Variants in CMYA5 observed in about 807,000 individuals in gnomAD.
The protein encoded by CMYA5 is cardiomyopathy-associated protein 5.
A neutral mutation model predicts 318.9 loss-of-function variants in CMYA5; 246 were observed. The ratio of observed to expected loss-of-function variants is 0.77; its 90% CI spans 0.70 to 0.86. The LOEUF is 0.86. Among genes scored for constraint, CMYA5 ranks in the 40% least tolerant of loss-of-function variants. The pLI, the probability that CMYA5 is intolerant of heterozygous loss-of-function variation, is 0.00. For synonymous variants in CMYA5, 1,641 were observed against 1,729.5 expected (o/e 0.95, Z 1.27); for missense variants, 4,589 against 4,678.2 (o/e 0.98, Z 0.56).
In CMYA5 at chr5:79,692,997, C is replaced by T. The variant is rs921583577; in HGVS notation, c.149+2941C>T. Among the ~76,000 whole-genome samples, 12 of 152,142 alleles carry T rather than the reference C, an allele frequency of 7.9e-5. No individual in the cohort carries two copies. The South Asian group carries it at 1.0e-3, about 13-fold the overall frequency. ...CCTTCTAGTTGGAGAAACAGAAAAA[C>T]GTAATTATGTCATTAGCTGTTAGAA... is the stretch of plus-strand genomic sequence containing the variant. On this transcript the variant is annotated intron_variant, in intron 1 of 12. Transcript: ENST00000446378.
chr5:79,744,252 T>C (rs1828274833), intron 3 of CMYA5, among the ~76,000 whole-genome samples: 1 of 152,226 alleles, frequency 6.6e-6, no homozygotes, highest in South Asian at 2.1e-4. Flanking sequence ...TCCAATTGTA[T>C]AGATAAGAAA....
intron 9 of CMYA5, 67 bp downstream of exon 9, chr5:79,763,276 C>T: frequency 7.4e-7 from 1 of 1,354,332 alleles, no homozygotes; most frequent in South Asian, 1.4e-5. Flanking sequence ...TCCTAAACTA[C>T]CCTCTAACTT....
In CMYA5 at chr5:79,734,786, G is replaced by T; in HGVS notation, c.6021G>T (p.Gly2007=). Residue 2007 remains glycine (G), a synonymous_variant, in exon 2 of 13, where the codon GGG becomes GGT. Coordinates refer to ENST00000446378, the MANE Select transcript of CMYA5 (RefSeq NM_153610.5). The part of the protein sequence containing the change: ...AGNVERNIAE[G]KEIHSLMESE... ...ATGTAGAGAGAAACATAGCAGAGGGGAAGGAGATTCATTCTTTGATGGAGA... is the reference window on the plus strand; with the variant it reads ...ATGTAGAGAGAAACATAGCAGAGGGTAAGGAGATTCATTCTTTGATGGAGA... 3 of 1,613,756 alleles carry T rather than the reference G, an allele frequency of 1.9e-6. No individual in the cohort carries two copies. Among genetic ancestry groups the T allele is most frequent in the Non-Finnish European group, 2.5e-6 (3 of 1,179,814 alleles).
chr5:79,758,972 A>G, intron 7 of CMYA5, 70 bp downstream of exon 7: 1 of 1,273,034 alleles, frequency 7.9e-7, no homozygotes, highest in Non-Finnish European at 1.1e-6. Flanking sequence ...ATTTAAATAT[A>G]CACCTGTATT....
intron 1 of CMYA5, among the ~76,000 whole-genome samples, chr5:79,722,676 C>CAAAAA (rs1264491231): frequency 1.4e-5 from 1 of 73,576 alleles, no homozygotes; most frequent in Non-Finnish European, 2.9e-5. Context: ...GACTCTGTCT[C>CAAAAA]AAAAAAAAAA....
At chr5:79,790,905 C>A in intron 10 of CMYA5, 65 bp from the exon 11 acceptor site, 1 of 1,075,188 alleles carries the variant, frequency 9.3e-7, no homozygotes, top group Non-Finnish European at 1.4e-6. Context: ...AAATGTGGGG[C>A]TTAGCCTAGG....
At position 79,796,355 on chromosome 5, in the gene CMYA5, G is replaced by A. The variant is rs185999029; in HGVS notation, c.11963+2745G>A. Among the ~76,000 whole-genome samples the A allele has an allele frequency of 1.9e-3, 294 of 150,818 alleles. 4 individuals are homozygous for A. The highest frequency in any genetic ancestry group is 7.0e-3 in the African/African-American group (288 of 41,068). On this transcript the variant is annotated intron_variant, in intron 12 of 12. Coordinates refer to ENST00000446378, the MANE Select transcript of CMYA5 (RefSeq NM_153610.5). ...TTTTTTCATTCGACAAATGTTTATT[G>A]AGTACCTGTCCTGTGCCAGGTTATC...
At chr5:79,706,501 G>A (rs190450641) in intron 1 of CMYA5, among the ~76,000 whole-genome samples, 41 of 152,278 alleles carry the variant, frequency 2.7e-4, no homozygotes, top group South Asian at 2.5e-3. Context: ...TTCTCAGAAC[G>A]GAGTACGCCT....
In CMYA5 at chr5:79,737,221, C is replaced by T. The variant is rs779832653; in HGVS notation, c.8456C>T (p.Thr2819Ile). 5.0e-6 allele frequency: 8 copies of T among 1,613,626 alleles called. No homozygotes were observed. Among genetic ancestry groups the T allele is most frequent in the Admixed American group, 1.7e-5 (1 of 59,926 alleles). Reference sequence around the variant, plus strand: ...TTGCTGTCACCTGTAAAACCACAAACTCTTGCTTCAGGAGCTTCTCCAGAA... The same window carrying T: ...TTGCTGTCACCTGTAAAACCACAAATTCTTGCTTCAGGAGCTTCTCCAGAA... ...PYLLSPVKPQTLASGASPEIN... is the reference protein window; with the variant it reads ...PYLLSPVKPQILASGASPEIN... Residue 2819 changes from threonine to isoleucine, a missense_variant, in exon 2 of 13, where the codon ACT becomes ATT. Thr to Ile is a moderately conservative substitution (Grantham distance 89). Transcript: ENST00000446378.
intron 9 of CMYA5, among the ~76,000 whole-genome samples, chr5:79,778,840 T>TGTGTGTG (rs1453105123): frequency 1.2e-4 from 15 of 122,062 alleles, no homozygotes; most frequent in African/African-American, 1.8e-4. Context: ...TGTGTGTATG[T>TGTGTGTG]TTATTCACTC....
At position 79,729,466 on chromosome 5, in the gene CMYA5, C is replaced by T. The variant is rs374313124; in HGVS notation, c.701C>T (p.Ser234Leu). 83 of 1,609,780 alleles carry T rather than the reference C, an allele frequency of 5.2e-5. 2 individuals are homozygous for T. The highest frequency in any genetic ancestry group is 4.0e-4 in the South Asian group (36 of 90,672). The change falls in exon 2 of 13, where the codon TCG (serine) becomes TTG (leucine). Residue 234 changes from serine (S) to leucine (L), a missense_variant. By Grantham distance (145) the Ser-to-Leu change is moderately radical. This residue lies in a region of CMYA5 where 2,132 missense variants were observed against 2,131.3 expected (regional missense o/e 1.00). Coordinates refer to ENST00000446378, the MANE Select transcript of CMYA5 (RefSeq NM_153610.5). ...CAATATAAAATTAAGATGTTTAATT[C>T]GGTTAAAGAAGAATTAATTCCTCTA... Reference protein sequence around the residue: ...TVQYKIKMFNSVKEELIPLQF... With the variant: ...TVQYKIKMFNLVKEELIPLQF...
At chr5:79,691,250 G>A (rs1343077486) in intron 1 of CMYA5, among the ~76,000 whole-genome samples, 1 of 152,208 alleles carries the variant, frequency 6.6e-6, no homozygotes, top group Non-Finnish European at 1.5e-5. Context: ...TGTAGGAAGT[G>A]GATCAGGGAG....
chr5:79,723,591 G>T (rs960922711), intron 1 of CMYA5, among the ~76,000 whole-genome samples: 2 of 151,542 alleles, frequency 1.3e-5, no homozygotes, highest in Non-Finnish European at 2.9e-5. Flanking sequence ...CAAGACTCCT[G>T]TCTCTACAAA....
chr5:79,799,607 G>A lies in CMYA5; in HGVS notation c.12201G>A (p.Arg4067=), dbSNP rs1266799881. The change falls in exon 13 of 13, where the codon AGG becomes AGA. Residue 4067 remains arginine, a synonymous_variant. Transcript: ENST00000446378. ...GGATAGAGCCCCCGGATTCTGTAAG[G>A]CACAAGTGATCCTTGGCTTTCAGAA... The part of the protein sequence containing the change: ...HLGIEPPDSV[R]HK 6 of 1,610,016 alleles carry A rather than the reference G, an allele frequency of 3.7e-6. No homozygotes were observed. Among genetic ancestry groups the A allele is most frequent in the African/African-American group, 1.3e-5 (1 of 74,872 alleles).
chr5:79,737,702 T>C lies in CMYA5; in HGVS notation c.8937T>C (p.Tyr2979=). ...AACAAATGCAAGATAAATTAGAATA[T>C]TTGGAAGAGAAAGCCTCATTTAAAA... ...ESEQMQDKLE[Y]LEEKASFKTI... Residue 2979 remains tyrosine, a synonymous_variant, in exon 2 of 13, where the codon TAT becomes TAC. Transcript: ENST00000446378. The C allele has an allele frequency of 6.2e-7, 1 of 1,612,198 alleles. No homozygotes were observed. Among genetic ancestry groups the C allele is most frequent in the Non-Finnish European group, 8.5e-7 (1 of 1,179,422 alleles).
intron 1 of CMYA5, among the ~76,000 whole-genome samples, chr5:79,705,398 AATAG>A (rs201914337): frequency 0.015 from 2,235 of 150,704 alleles, 45 homozygotes; most frequent in African/African-American, 0.053. Context: ...AAATACTATA[AATAG>A]ATAGATAGAT....
chr5:79,791,673 T>C lies in CMYA5; in HGVS notation c.11789+604T>C, dbSNP rs113749294. On this transcript the variant is annotated intron_variant, in intron 11 of 12. Transcript: ENST00000446378. ...AGGTGGAGGTTGCAGTGAGCTGAGA[T>C]TGTGCCATTGCACTCCAGCCTGGGA... Among the ~76,000 whole-genome samples the C allele has an allele frequency of 7.4e-3, 1,110 of 149,032 alleles. 5 individuals carry two copies. Among genetic ancestry groups the C allele is most frequent in the Non-Finnish European group, 0.012 (823 of 67,702 alleles).
intron 1 of CMYA5, among the ~76,000 whole-genome samples, chr5:79,719,034 A>G (rs879365541): frequency 6.6e-6 from 1 of 152,008 alleles, no homozygotes; most frequent in Non-Finnish European, 1.5e-5. Context: ...GTTAAGTGAC[A>G]CGTGTTATAC....
chr5:79,704,547 T>C (rs1827234715), intron 1 of CMYA5, among the ~76,000 whole-genome samples: 1 of 152,098 alleles, frequency 6.6e-6, no homozygotes, highest in Admixed American at 6.5e-5. Flanking sequence ...ATATAGATAT[T>C]AGAAGAGGGA....
Sources: allele counts gnomAD v4.1 joint callset (sites outside exome capture counted in the v4.1 genomes callset), GRCh38; gene constraint gnomAD v4.1.1; regional missense constraint gnomAD v4.1.1; transcripts MANE v1.5; gene names NCBI Gene and HGNC (gene_info 2026-07-23, HGNC 2026-07-21).